Variants in TACR1 observed in about 807,000 individuals in gnomAD.
TACR1 encodes tachykinin receptor 1, also known as substance-P receptor.
TACR1 carries 25 observed loss-of-function variants against 35.8 expected under a neutral mutation model. The observed-to-expected ratio is 0.70, with a 90% confidence interval of 0.51 to 0.98. TACR1 has a LOEUF of 0.98. TACR1 is among the 50% of genes least tolerant of loss of function. TACR1 has a pLI of 0.00. For missense variants in TACR1, 478 were observed against 522.9 expected (o/e 0.91, Z 0.84); for synonymous variants, 195 against 206.7 (o/e 0.94, Z 0.48).
At chr2:75,053,027 G>T (rs1385676572) in intron 3 of TACR1, among the ~76,000 whole-genome samples, 1 of 151,960 alleles carries the variant, frequency 6.6e-6, no homozygotes, top group African/African-American at 2.4e-5. Flanking sequence ...CTATATTTGG[G>T]TTTTTGCCAG....
Position 75,198,674 on chromosome 2 carries a change from C to A in TACR1, c.261G>T (p.Val87=). ...TGTGGACAGCATAGGTGAAGTTCACCACTGTATTGAATGCAGCCATGGAGG... is the reference window on the plus strand; with the variant it reads ...TGTGGACAGCATAGGTGAAGTTCACAACTGTATTGAATGCAGCCATGGAGG... ...AEASMAAFNT[V]VNFTYAVHNE... is the part of the protein sequence containing the mutation. The change falls in exon 1 of 5, where the codon GTG becomes GTT. Residue 87 remains valine, a synonymous_variant. Coordinates refer to ENST00000305249, the MANE Select transcript of TACR1 (RefSeq NM_001058.4). The A allele has an allele frequency of 6.2e-7, 1 of 1,614,208 alleles. No homozygotes were observed. Among genetic ancestry groups the A allele is most frequent in the South Asian group, 1.1e-5 (1 of 91,074 alleles).
chr2:75,096,433 C>T (rs1402547388), intron 2 of TACR1, among the ~76,000 whole-genome samples: 3 of 152,124 alleles, frequency 2.0e-5, no homozygotes, highest in Admixed American at 1.3e-4. Context: ...GGATTTAAAT[C>T]CTGGCATCAC....
chr2:75,169,990 TTTTG>T (rs1233668014), intron 1 of TACR1, among the ~76,000 whole-genome samples: 8 of 152,344 alleles, frequency 5.3e-5, no homozygotes, highest in African/African-American at 1.9e-4. Flanking sequence ...TTTAGATTTC[TTTTG>T]TTTTTTTCCT....
At chr2:75,143,691 G>T (rs979878874) in intron 1 of TACR1, among the ~76,000 whole-genome samples, 2 of 152,160 alleles carry the variant, frequency 1.3e-5, no homozygotes, top group Non-Finnish European at 2.9e-5. Context: ...ATATTAGGTT[G>T]GTGCAAAATA....
chr2:75,120,663 C>G lies in TACR1; in HGVS notation c.495G>C (p.Gln165His). The change falls in exon 2 of 5, where the codon CAG becomes CAC. Residue 165 changes from glutamine (Q) to histidine (H), a missense_variant. Physicochemically the swap from Gln to His is conservative, Grantham distance 24 (BLOSUM62 0). Transcript: ENST00000305249. Reference protein sequence around the residue: ...WVLALLLAFPQGYYSTTETMP... With the variant: ...WVLALLLAFPHGYYSTTETMP... ...TGGTCTCTGTGGTTGAGTAGTAGCC[C>G]TGGGGGAAGGCCAGCAGGAGAGCCA... The G allele has an allele frequency of 6.2e-7, 1 of 1,613,954 alleles. No homozygotes were observed. Among genetic ancestry groups the G allele is most frequent in the South Asian group, 1.1e-5 (1 of 91,040 alleles).
At chr2:75,187,686 AT>A (rs1193098169) in intron 1 of TACR1, 1 of 152,172 alleles carries the variant, frequency 6.6e-6, no homozygotes, top group Non-Finnish European at 1.5e-5. Context: ...ACTAAATTGG[AT>A]TGGCTGTGAA....
chr2:75,084,161 CT>C (rs1673145789), intron 2 of TACR1, among the ~76,000 whole-genome samples: 2 of 152,096 alleles, frequency 1.3e-5, no homozygotes, highest in African/African-American at 4.8e-5. Context: ...TGTTGAAGGC[CT>C]TTTCTGCATC....
chr2:75,094,859 A>ATATATATATATATATATATTT lies in TACR1; in HGVS notation c.584+25714_584+25715insAAATATATATATATATATATA. Among the ~76,000 whole-genome samples the ATATATATATATATATATATTT allele has an allele frequency of 2.7e-3, 308 of 112,960 alleles. 1 individual carries two copies. Among genetic ancestry groups the ATATATATATATATATATATTT allele is most frequent in the Non-Finnish European group, 3.8e-3 (232 of 60,302 alleles). 74.1% of individuals were successfully genotyped at this position (112,960 alleles called of 152,430 possible). ...GAAACATATATATATATATATATAT[A>ATATATATATATATATATATTT]TTTTTTTTTTTTTTGCCCAAGATGG... On this transcript the variant is annotated intron_variant, in intron 2 of 4. Coordinates refer to ENST00000305249, the MANE Select transcript of TACR1 (RefSeq NM_001058.4).
chr2:75,099,928 T>G (rs565856139), intron 2 of TACR1, among the ~76,000 whole-genome samples: 1 of 152,342 alleles, frequency 6.6e-6, no homozygotes, highest in South Asian at 2.1e-4. Flanking sequence ...GGGATGCATT[T>G]CACAGGCGTT....
At chr2:75,113,532 C>CTTTTTTTT (rs11437762) in intron 2 of TACR1, among the ~76,000 whole-genome samples, 96 of 92,062 alleles carry the variant, frequency 1.0e-3, no homozygotes, top group Non-Finnish European at 1.2e-3. Flanking sequence ...TTTCTTCTTC[C>CTTTTTTTT]TTTTTTTTTT....
At chr2:75,085,763 T>A (rs1276642480) in intron 2 of TACR1, among the ~76,000 whole-genome samples, 3 of 152,164 alleles carry the variant, frequency 2.0e-5, no homozygotes, top group Non-Finnish European at 4.4e-5. Flanking sequence ...CTCCCTACTC[T>A]TCCCTGGGGT....
chr2:75,147,202 C>T (rs549661286), intron 1 of TACR1, among the ~76,000 whole-genome samples: 1 of 152,282 alleles, frequency 6.6e-6, no homozygotes, highest in South Asian at 2.1e-4. Context: ...GGAAAATGCC[C>T]CCACCAAAGA....
At chr2:75,116,151 C>T (rs139899360) in intron 2 of TACR1, among the ~76,000 whole-genome samples, 1,546 of 152,174 alleles carry the variant, frequency 0.01, 29 homozygotes, top group African/African-American at 0.035. Context: ...GTCACCCAGG[C>T]TGGAGTGCAG....
At chr2:75,073,824 C>T (rs1268730826) in intron 2 of TACR1, among the ~76,000 whole-genome samples, 2 of 152,188 alleles carry the variant, frequency 1.3e-5, no homozygotes, top group Non-Finnish European at 2.9e-5. Context: ...TGCCACTTCT[C>T]ACCAGAAGGG....
intron 1 of TACR1, among the ~76,000 whole-genome samples, chr2:75,137,463 T>C (rs997788937): frequency 1.2e-4 from 19 of 152,026 alleles, no homozygotes; most frequent in East Asian, 1.2e-3. Context: ...TGGTGCCTCA[T>C]GCCTTTAATC....
At chr2:75,122,673 A>T (rs115592193) in intron 1 of TACR1, among the ~76,000 whole-genome samples, 1 of 152,340 alleles carries the variant, frequency 6.6e-6, no homozygotes, top group African/African-American at 2.4e-5. Context: ...GTAGTAATCT[A>T]TAAATCTCTG....
intron 2 of TACR1, among the ~76,000 whole-genome samples, chr2:75,115,084 CGTGTGT>C (rs3079164): frequency 0.049 from 7,240 of 148,676 alleles, 258 homozygotes; most frequent in African/African-American, 0.099. Flanking sequence ...TGTTAACATA[CGTGTGT>C]GTGTGTGTGT....
intron 1 of TACR1, among the ~76,000 whole-genome samples, chr2:75,160,283 T>A (rs1481917202): frequency 6.6e-6 from 1 of 151,022 alleles, no homozygotes; most frequent in African/African-American, 2.4e-5. Context: ...GAATTATGAG[T>A]ACGTATTATA....
intron 1 of TACR1, among the ~76,000 whole-genome samples, chr2:75,167,256 G>T (rs1252977520): frequency 6.6e-6 from 1 of 152,142 alleles, no homozygotes; most frequent in Non-Finnish European, 1.5e-5. Context: ...AAATCACAGT[G>T]AAATTCTTCT....
Sources: gnomAD v4.1 joint callset for allele counts (sites outside exome capture counted in the v4.1 genomes callset) on GRCh38, gnomAD v4.1.1 for gene constraint, MANE v1.5 for transcripts, NCBI Gene and HGNC (gene_info 2026-07-23, HGNC 2026-07-21) for gene names.